ATM: variants seen among roughly 807,000 people sequenced by gnomAD.
ATM encodes serine-protein kinase ATM.
Under a neutral mutation model 387.0 loss-of-function variants are expected in ATM, and 308 were observed. The ratio of observed to expected loss-of-function variants is 0.80; its 90% CI spans 0.73 to 0.87. ATM has a LOEUF of 0.87. Ranked by LOEUF, ATM falls within the 40% of genes least tolerant of loss-of-function variation. The pLI is 0.00. For missense variants in ATM, 3,312 were observed against 3,560.9 expected, an observed-to-expected ratio of 0.93 and a Z score of 1.78; for synonymous variants, 1,156 against 1,187.3, an observed-to-expected ratio of 0.97 and a Z score of 0.54.
At chr11:108,344,917 TTGC>T (rs1351803489) in intron 57 of ATM, among the ~76,000 whole-genome samples, 1 of 151,910 alleles carries the variant, frequency 6.6e-6, no homozygotes, top group African/African-American at 2.4e-5. Flanking sequence ...GGTGAGAGGA[TTGC>T]TTGAGCCCAG....
chr11:108,280,913 T>C, intron 23 of ATM, 82 bp from the exon 24 acceptor site: 7 of 1,301,874 alleles, frequency 5.4e-6, no homozygotes, highest in Non-Finnish European at 7.5e-6. Context: ...TGTCAAAAAA[T>C]CTGGAGTTCA....
chr11:108,293,506 TTTA>T, intron 31 of ATM, 29 bp downstream of exon 31: 1 of 1,559,800 alleles, frequency 6.4e-7, no homozygotes, highest in Non-Finnish European at 8.8e-7. Flanking sequence ...TCTACTATTT[TTTA>T]TTAGAGAACA....
At position 108,335,069 on chromosome 11, in the gene ATM, G is replaced by A. The variant is rs1555127249; in HGVS notation, c.8111G>A (p.Cys2704Tyr). The change falls in exon 55 of 63, where the codon TGT becomes TAT. Residue 2704 changes from cysteine to tyrosine, a missense_variant. Physicochemically the swap from Cys to Tyr is radical, Grantham distance 194. Coordinates refer to ENST00000675843, the MANE Select transcript of ATM (RefSeq NM_000051.4). ...GTAAATTTACCAAAAATAATAGATT[G>A]TGTAGGTTCCGATGGCAAGGAGAGG... ...GGVNLPKIID[C>Y]VGSDGKERRQ... The A allele has an allele frequency of 1.2e-6, 2 of 1,614,112 alleles. No homozygotes were observed. The highest frequency in any genetic ancestry group is 1.7e-6 in the Non-Finnish European group (2 of 1,179,994).
intron 13 of ATM, among the ~76,000 whole-genome samples, chr11:108,255,422 CTTTT>C (rs538304080): frequency 4.7e-5 from 4 of 85,402 alleles, no homozygotes; most frequent in African/African-American, 4.5e-5. Flanking sequence ...ATTGTCTAAA[CTTTT>C]TTTTTTTTTT....
chr11:108,321,354 T>G lies in ATM; in HGVS notation c.6506T>G (p.Leu2169Arg), dbSNP rs748054311. The change falls in exon 45 of 63, where the codon CTC becomes CGC. Residue 2169 changes from leucine (L) to arginine (R), a missense_variant. By Grantham distance (102) the Leu-to-Arg change is moderately radical. Coordinates refer to ENST00000675843, the MANE Select transcript of ATM (RefSeq NM_000051.4). ...CGCAGCCTTGAGTCTGTGTATTCGC[T>G]CTATCCCACACTTAGCAGGTTGCAG... ...CKRSLESVYS[L>R]YPTLSRLQAI... The G allele has an allele frequency of 2.5e-6, 4 of 1,614,074 alleles. No individual in the cohort carries two copies. In the South Asian group the frequency reaches 4.4e-5, roughly 18 times the overall value.
chr11:108,312,595 C>T (rs2084269786), intron 40 of ATM, 97 bp downstream of exon 40: 1 of 880,890 alleles, frequency 1.1e-6, no homozygotes, highest in South Asian at 1.4e-5. Flanking sequence ...GATTTTTAAA[C>T]TGAATTTACT....
chr11:108,249,165 A>T (rs2135298033), intron 9 of ATM, 63 bp downstream of exon 9: 1 of 1,581,920 alleles, frequency 6.3e-7, no homozygotes, highest in Non-Finnish European at 8.7e-7. Context: ...TTTTTCAGAA[A>T]ACTTTCAGTG....
chr11:108,300,665 TTTG>T (rs2083382213), intron 34 of ATM, among the ~76,000 whole-genome samples: 1 of 152,206 alleles, frequency 6.6e-6, no homozygotes, highest in Non-Finnish European at 1.5e-5. Flanking sequence ...ATTTCTTTCT[TTTG>T]TTGTTGTTTT....
intron 4 of ATM, among the ~76,000 whole-genome samples, chr11:108,233,982 A>G (rs901229747): frequency 3.3e-5 from 5 of 152,244 alleles, no homozygotes; most frequent in African/African-American, 1.2e-4. Flanking sequence ...TTCTGTAGTT[A>G]TTCAACACAA....
chr11:108,239,430 C>G (rs1255326327), intron 5 of ATM, among the ~76,000 whole-genome samples: 1 of 152,202 alleles, frequency 6.6e-6, no homozygotes, highest in African/African-American at 2.4e-5. Flanking sequence ...ATTACACTTA[C>G]CAAAATGTCT....
At chr11:108,248,129 C>T (rs1244226767) in intron 8 of ATM, among the ~76,000 whole-genome samples, 2 of 152,154 alleles carry the variant, frequency 1.3e-5, no homozygotes, top group Non-Finnish European at 2.9e-5. Flanking sequence ...ATCAGTACTT[C>T]ATTCATTTTT....
intron 32 of ATM, 62 bp from the exon 33 acceptor site, chr11:108,297,225 A>G: frequency 2.2e-6 from 3 of 1,376,032 alleles, no homozygotes; most frequent in Non-Finnish European, 3.1e-6. Flanking sequence ...TATATATGCA[A>G]TTATAAACAA....
chr11:108,356,613 T>A (rs1252746228), intron 61 of ATM, among the ~76,000 whole-genome samples: 1 of 151,884 alleles, frequency 6.6e-6, no homozygotes, highest in Admixed American at 6.6e-5. Context: ...TTCTTTAGTA[T>A]TTTACTCTAC....
chr11:108,281,150 A>C lies in ATM; in HGVS notation c.3558A>C (p.Glu1186Asp), dbSNP rs12786957. ...AATCTGTGAAAGAGAATGGATTAGA[A>C]CCTCACCTTGTGAAAAAGGTATATA... is the stretch of plus-strand genomic sequence containing the variant. ...LCKSVKENGLEPHLVKKVLEK... is the reference protein window; with the variant it reads ...LCKSVKENGLDPHLVKKVLEK... Residue 1186 changes from glutamate to aspartate, a missense_variant, in exon 24 of 63, where the codon GAA becomes GAC. Glu to Asp is a conservative substitution (Grantham distance 45, BLOSUM62 2). Transcript: ENST00000675843. 1 of 1,613,914 alleles carries C rather than the reference A, an allele frequency of 6.2e-7. No individual in the cohort carries two copies. The highest frequency in any genetic ancestry group is 8.5e-7 in the Non-Finnish European group (1 of 1,179,922).
intron 22 of ATM, among the ~76,000 whole-genome samples, chr11:108,274,238 G>C (rs578199837): frequency 7.6e-4 from 116 of 152,150 alleles, no homozygotes; most frequent in African/African-American, 2.5e-3. Flanking sequence ...ATTTTTTATT[G>C]AGTCTATTTG....
At chr11:108,290,023 A>G in intron 29 of ATM, 1 of 454,294 alleles carries the variant, frequency 2.2e-6, no homozygotes, top group Non-Finnish European at 4.0e-6. Context: ...ATGCCTGACT[A>G]ATTTTTTGTG....
At chr11:108,354,674 T>C (rs2089664102) in intron 60 of ATM, 137 bp from the exon 61 acceptor site, 1 of 811,466 alleles carries the variant, frequency 1.2e-6, no homozygotes, top group Non-Finnish European at 2.2e-6. Context: ...CTGCCAAGTA[T>C]TATGCTATTT....
chr11:108,256,275 T>C lies in ATM; in HGVS notation c.2185T>C (p.Tyr729His), dbSNP rs1190793955. The C allele has an allele frequency of 6.2e-7, 1 of 1,611,306 alleles. No individual in the cohort carries two copies. Among genetic ancestry groups the C allele is most frequent in the Non-Finnish European group, 8.5e-7 (1 of 1,178,130 alleles). Residue 729 changes from tyrosine (Y) to histidine (H), a missense_variant, in exon 14 of 63, where the codon TAC becomes CAC. Coordinates refer to ENST00000675843, the MANE Select transcript of ATM (RefSeq NM_000051.4). ...TCTTTTGGTGGGTGTCCTTGGCTGCTACTGTTACATGGGTGTAATAGCTGA... is the reference window on the plus strand; with the variant it reads ...TCTTTTGGTGGGTGTCCTTGGCTGCCACTGTTACATGGGTGTAATAGCTGA... Reference protein sequence around the residue: ...SRLLVGVLGCYCYMGVIAEEE... With the variant: ...SRLLVGVLGCHCYMGVIAEEE...
intron 59 of ATM, among the ~76,000 whole-genome samples, chr11:108,352,683 TAAAC>T (rs2089355199): frequency 6.6e-6 from 1 of 152,216 alleles, no homozygotes; most frequent in Non-Finnish European, 1.5e-5. Flanking sequence ...GGCAAATGCT[TAAAC>T]AAACTGTGTT....
Sources: gnomAD v4.1 joint callset for allele counts (sites outside exome capture counted in the v4.1 genomes callset) on GRCh38, gnomAD v4.1.1 for gene constraint, MANE v1.5 for transcripts, NCBI Gene and HGNC (gene_info 2026-07-23, HGNC 2026-07-21) for gene names.